KLF12: variants seen among roughly 807,000 people sequenced by gnomAD.
KLF12 encodes the protein KLF transcription factor 12, also known as Krueppel-like factor 12.
Under a neutral mutation model 37.8 loss-of-function variants are expected in KLF12, and 9 were observed. The observed-to-expected ratio is 0.24, with a 90% CI of 0.14 to 0.42. The LOEUF (loss-of-function observed/expected upper bound fraction) is 0.42. KLF12 is among the 10% of genes least tolerant of loss of function. The pLI is 1.00. For synonymous variants in KLF12, 208 were observed against 202.1 expected, an observed-to-expected ratio of 1.03 and a Z score of -0.25; for missense variants, 411 against 516.0, an observed-to-expected ratio of 0.80 and a Z score of 1.97.
At chr13:73,808,651 A>G (rs1159804805) in intron 5 of KLF12, among the ~76,000 whole-genome samples, 1 of 152,236 alleles carries the variant, frequency 6.6e-6, no homozygotes, top group East Asian at 1.9e-4. Context: ...CCAGCAAAAT[A>G]CATAGCACCA....
At chr13:73,752,668 T>A (rs55875136) in intron 6 of KLF12, among the ~76,000 whole-genome samples, 16,081 of 151,726 alleles carry the variant, frequency 0.11, 932 homozygotes, top group Middle Eastern at 0.13. Flanking sequence ...GGCTAGCATG[T>A]CTTTCTCCTC....
the KLF12 span, among the ~76,000 whole-genome samples, chr13:74,265,934 T>A: frequency 6.6e-6 from 1 of 152,226 alleles, no homozygotes; most frequent in African/African-American, 2.4e-5. Flanking sequence ...TAGGTTGTGG[T>A]CATTTCTATC....
chr13:73,760,811 A>G (rs1879502893), intron 6 of KLF12, among the ~76,000 whole-genome samples: 2 of 152,186 alleles, frequency 1.3e-5, no homozygotes, highest in Admixed American at 1.3e-4. Flanking sequence ...AAACCTTAAA[A>G]ATGGAGCAGG....
At chr13:73,915,519 CT>C (rs889139663) in intron 3 of KLF12, among the ~76,000 whole-genome samples, 157 of 144,750 alleles carry the variant, frequency 1.1e-3, no homozygotes, top group African/African-American at 2.1e-3. Context: ...AGTTTTGTTT[CT>C]TTTTTTTTTT....
chr13:74,235,911 AATTTTTTT>A, the KLF12 span, among the ~76,000 whole-genome samples: 1 of 147,706 alleles, frequency 6.8e-6, no homozygotes, highest in Non-Finnish European at 1.5e-5. Flanking sequence ...TTTATTTTTT[AATTTTTTT>A]ATTTTTTTAG....
rs1873542334 is a variant in KLF12 at position 73,687,175 on chromosome 13, T to C, written c.*8315A>G. 6.6e-6 allele frequency: 1 copy of C among 152,642 alleles called. No homozygotes were observed. Among genetic ancestry groups the C allele is most frequent in the African/African-American group, 2.4e-5 (1 of 41,454 alleles). 9.5% of individuals were successfully genotyped at this position (152,642 alleles called of 1,614,324 possible). On this transcript the variant is annotated 3_prime_UTR_variant, in exon 8 of 8. Transcript: ENST00000377669. ...GTTTCTCTTTTTTTAAATGAGCATGTTATGATACACATAATTGCATTATGA... is the reference window on the plus strand; with the variant it reads ...GTTTCTCTTTTTTTAAATGAGCATGCTATGATACACATAATTGCATTATGA...
At chr13:74,140,779 T>C in the KLF12 span, among the ~76,000 whole-genome samples, 993 of 151,638 alleles carry the variant, frequency 6.5e-3, 8 homozygotes, top group Middle Eastern at 0.014. Flanking sequence ...TGGAGCAGGG[T>C]GCGGTGGCTC....
chr13:73,923,093 T>C (rs1007591886), intron 3 of KLF12, among the ~76,000 whole-genome samples: 35 of 152,358 alleles, frequency 2.3e-4, no homozygotes, highest in Middle Eastern at 3.4e-3. Context: ...ATGGCACTTA[T>C]AACATCAATA....
intron 1 of KLF12, among the ~76,000 whole-genome samples, chr13:74,044,663 G>A (rs1033431269): frequency 2.0e-5 from 3 of 152,008 alleles, no homozygotes. Context: ...TGACCAACAT[G>A]GTGAAACCCC....
chr13:74,241,279 C>T, the KLF12 span, among the ~76,000 whole-genome samples: 3 of 152,180 alleles, frequency 2.0e-5, no homozygotes, highest in Admixed American at 6.5e-5. Context: ...CAGGGACCCA[C>T]TTGAGGAGGC....
At chr13:73,898,579 GAA>G (rs1267307844) in intron 3 of KLF12, among the ~76,000 whole-genome samples, 3 of 152,116 alleles carry the variant, frequency 2.0e-5, no homozygotes, top group Non-Finnish European at 4.4e-5. Context: ...AAACTGGAGA[GAA>G]AAAAGAGTGA....
intron 7 of KLF12, among the ~76,000 whole-genome samples, chr13:73,713,282 A>AT (rs1384541513): frequency 3.9e-5 from 6 of 152,204 alleles, no homozygotes; most frequent in Non-Finnish European, 8.8e-5. Context: ...GCTACTGGAC[A>AT]TTGTAAGAGA....
chr13:73,997,820 A>C (rs1408675), intron 1 of KLF12, among the ~76,000 whole-genome samples: 11,403 of 152,234 alleles, frequency 0.075, 651 homozygotes, highest in African/African-American at 0.16. Context: ...AAAGCAAAGG[A>C]TTGGTCGCTT....
the KLF12 span, among the ~76,000 whole-genome samples, chr13:74,234,503 C>A: frequency 6.6e-6 from 1 of 152,200 alleles, no homozygotes; most frequent in East Asian, 1.9e-4. Flanking sequence ...GTATGACACA[C>A]TGTACCTGTC....
At chr13:74,124,280 GAA>G (rs1377066172) in intron 1 of KLF12, among the ~76,000 whole-genome samples, 1 of 152,158 alleles carries the variant, frequency 6.6e-6, no homozygotes, top group Non-Finnish European at 1.5e-5. Flanking sequence ...TGTTAGCCTT[GAA>G]ATATCCACCT....
intron 6 of KLF12, among the ~76,000 whole-genome samples, chr13:73,742,200 T>C (rs75406071): frequency 0.012 from 1,768 of 152,316 alleles, 15 homozygotes; most frequent in South Asian, 0.038. Context: ...CATTTTAGAT[T>C]CTTGTATTAG....
intron 1 of KLF12, among the ~76,000 whole-genome samples, chr13:74,125,722 G>A (rs1338683829): frequency 6.6e-6 from 1 of 152,112 alleles, no homozygotes; most frequent in Non-Finnish European, 1.5e-5. Context: ...GCAAACAATT[G>A]ACTTCTTTAT....
the KLF12 span, among the ~76,000 whole-genome samples, chr13:74,184,351 T>G: frequency 6.6e-6 from 1 of 152,156 alleles, no homozygotes; most frequent in African/African-American, 2.4e-5. Context: ...CTTGTAGGGA[T>G]GACAAACTTC....
rs146718671 is a variant in KLF12, at chr13:74,128,387, G to A, written c.-32+5352C>T. Among the ~76,000 whole-genome samples, 15 of 105,762 alleles carry A rather than the reference G, an allele frequency of 1.4e-4. No homozygotes were observed. In the East Asian group the frequency reaches 7.1e-3, roughly 50 times the overall value. 69.4% of individuals were successfully genotyped at this position (105,762 alleles called of 152,430 possible). On this transcript the variant is annotated intron_variant, in intron 1 of 7. Transcript: ENST00000377669. ...GTGTGGGGGCGGTGGAGGTATGGCT[G>A]GAGTGCTTTTCCTATCAAATCAGTT...
Sources: gnomAD v4.1 joint callset for allele counts (sites outside exome capture counted in the v4.1 genomes callset) on GRCh38, gnomAD v4.1.1 for gene constraint, MANE v1.5 for transcripts, NCBI Gene and HGNC (gene_info 2026-07-23, HGNC 2026-07-21) for gene names.